The following RFX6 variants were observed in gnomAD, a reference collection of about 807,000 sequenced individuals.
The protein encoded by RFX6 is DNA-binding protein RFX6.
In RFX6, 50 loss-of-function variants were observed where a neutral mutation model predicts 110.8. That is an observed-to-expected ratio of 0.45 (90% CI 0.36 to 0.57). The LOEUF (loss-of-function observed/expected upper bound fraction) is 0.57, where lower values mean the gene tolerates loss of function less well. Ranked by LOEUF, RFX6 falls within the 20% of genes least tolerant of loss-of-function variation. The pLI is 0.00. For synonymous variants in RFX6, 383 were observed against 411.2 expected, an observed-to-expected ratio of 0.93 and a Z score of 0.83; for missense variants, 990 against 1,127.0, an observed-to-expected ratio of 0.88 and a Z score of 1.74.
chr6:116,928,251 A>T (rs767122790), intron 17 of RFX6, among the ~76,000 whole-genome samples: 1 of 152,196 alleles, frequency 6.6e-6, no homozygotes, highest in African/African-American at 2.4e-5. Flanking sequence ...TAGGAAGTTA[A>T]GGGAATTAGA....
intron 4 of RFX6, among the ~76,000 whole-genome samples, chr6:116,892,925 G>A (rs1453669344): frequency 6.6e-6 from 1 of 152,018 alleles, no homozygotes; most frequent in Non-Finnish European, 1.5e-5. Flanking sequence ...ATGGATGAAC[G>A]GAAGATTCAT....
chr6:116,901,341 CTATT>C (rs1365610777), intron 6 of RFX6, among the ~76,000 whole-genome samples: 4 of 133,982 alleles, frequency 3.0e-5, no homozygotes, highest in African/African-American at 1.1e-4. Context: ...CCACATGTGA[CTATT>C]AATTAAGTAA....
intron 6 of RFX6, among the ~76,000 whole-genome samples, chr6:116,908,552 G>A (rs1160035342): frequency 6.6e-6 from 1 of 151,964 alleles, no homozygotes; most frequent in African/African-American, 2.4e-5. Context: ...GGTGAGAGCA[G>A]GCAAATTTAC....
At chr6:116,911,579 A>G (rs1048483062) in intron 7 of RFX6, among the ~76,000 whole-genome samples, 13 of 152,194 alleles carry the variant, frequency 8.5e-5, no homozygotes, top group Non-Finnish European at 1.6e-4. Context: ...CAGTTTATAA[A>G]TAATTCTCAA....
At chr6:116,903,389 G>A (rs536160424) in intron 6 of RFX6, among the ~76,000 whole-genome samples, 2 of 152,030 alleles carry the variant, frequency 1.3e-5, no homozygotes, top group South Asian at 4.2e-4. Flanking sequence ...CTTAATATGT[G>A]TTTCTTTAGC....
In RFX6 at chr6:116,931,358, C is replaced by T. The variant is rs1775879970; in HGVS notation, c.2639C>T (p.Ser880Phe). Residue 880 changes from serine to phenylalanine, a missense_variant, in exon 19 of 19, where the codon TCT becomes TTT. Coordinates refer to ENST00000332958, the MANE Select transcript of RFX6 (RefSeq NM_173560.4). ...LASSLQTPIP[S>F]SSSQCMYGTS... ...TCCAGTTTGCAAACCCCAATTCCTT[C>T]TTCCTCATCCCAATGTATGTATGGA... The T allele has an allele frequency of 1.2e-6, 2 of 1,613,174 alleles. No homozygotes were observed. Among genetic ancestry groups the T allele is most frequent in the Admixed American group, 1.7e-5 (1 of 59,994 alleles).
intron 6 of RFX6, among the ~76,000 whole-genome samples, chr6:116,899,175 A>G (rs1775014712): frequency 6.6e-6 from 1 of 152,212 alleles, no homozygotes; most frequent in African/African-American, 2.4e-5. Flanking sequence ...CTATTTGGAA[A>G]AAAAAAATAC....
At chr6:116,893,713 G>C (rs1250642180) in intron 4 of RFX6, among the ~76,000 whole-genome samples, 2 of 152,128 alleles carry the variant, frequency 1.3e-5, no homozygotes, top group Non-Finnish European at 2.9e-5. Context: ...ATTGGGATTT[G>C]GAACCTAATG....
At chr6:116,897,817 T>C (rs1452526389) in intron 6 of RFX6, among the ~76,000 whole-genome samples, 1 of 152,162 alleles carries the variant, frequency 6.6e-6, no homozygotes, top group African/African-American at 2.4e-5. Flanking sequence ...GGGTTTAATT[T>C]GGGACTTGTC....
intron 18 of RFX6, among the ~76,000 whole-genome samples, chr6:116,930,056 G>A (rs1157552656): frequency 6.6e-6 from 1 of 152,174 alleles, no homozygotes; most frequent in Non-Finnish European, 1.5e-5. Flanking sequence ...AAAATGTACT[G>A]TGTTGCTATT....
At chr6:116,930,207 G>A (rs1224140171) in intron 18 of RFX6, among the ~76,000 whole-genome samples, 1 of 152,156 alleles carries the variant, frequency 6.6e-6, no homozygotes, top group Non-Finnish European at 1.5e-5. Context: ...GTAAAATGAG[G>A]GGATAGAATA....
At position 116,931,713 on chromosome 6, in the gene RFX6, G is replaced by A; in HGVS notation, c.*207G>A. 2 of 487,932 alleles carry A rather than the reference G, an allele frequency of 4.1e-6. No individual in the cohort carries two copies. Among genetic ancestry groups the A allele is most frequent in the Non-Finnish European group, 7.2e-6 (2 of 276,462 alleles). 30.2% of individuals were successfully genotyped at this position (487,932 alleles called of 1,614,324 possible). A position where few individuals can be genotyped will look rare whatever the true frequency, so the allele number is the denominator to read the frequency against. On this transcript the variant is annotated 3_prime_UTR_variant, in exon 19 of 19. Transcript: ENST00000332958. ...TGCACACTAAGAGTTTAAAATGTGA[G>A]CTCATTATTAATCATAGTTTCAAAA...
chr6:116,889,797 T>C (rs575381741), intron 4 of RFX6, among the ~76,000 whole-genome samples: 1 of 152,282 alleles, frequency 6.6e-6, no homozygotes, highest in South Asian at 2.1e-4. Flanking sequence ...TTTAAGTATA[T>C]GATATTATAT....
intron 6 of RFX6, among the ~76,000 whole-genome samples, chr6:116,909,618 ATAGT>A (rs1448153862): frequency 7.7e-6 from 1 of 129,372 alleles, no homozygotes; most frequent in Non-Finnish European, 1.8e-5. Flanking sequence ...TTATTAAATA[ATAGT>A]TATTAATTAA....
rs766222415 is a variant in RFX6, at chr6:116,877,258, T to C, written c.-18T>C. The C allele has an allele frequency of 1.3e-6, 2 of 1,587,878 alleles. No individual in the cohort carries two copies. The highest frequency in any genetic ancestry group is 1.1e-5 in the South Asian group (1 of 88,566). On this transcript the variant is annotated 5_prime_UTR_variant, in exon 1 of 19. Transcript: ENST00000332958. ...ACCGGCCGAGCGGCGCGCGCGGAGG[T>C]GTCCGGCGGCCAGGAGGATGGCCAA... is the stretch of plus-strand genomic sequence containing the variant.
chr6:116,917,937 T>A (rs1775503804), intron 9 of RFX6, 100 bp from the exon 10 acceptor site: 2 of 804,292 alleles, frequency 2.5e-6, no homozygotes, highest in Admixed American at 3.8e-5. Flanking sequence ...AACATGTTAT[T>A]CTCTAGGAAG....
intron 15 of RFX6, 93 bp from the exon 16 acceptor site, chr6:116,925,360 C>A: frequency 9.3e-7 from 1 of 1,075,566 alleles, no homozygotes; most frequent in Non-Finnish European, 1.5e-6. Context: ...AAATACTCAA[C>A]AATGAAACAT....
At chr6:116,912,485 A>G (rs1214136236) in intron 7 of RFX6, among the ~76,000 whole-genome samples, 3 of 152,092 alleles carry the variant, frequency 2.0e-5, no homozygotes, top group Admixed American at 6.6e-5. Flanking sequence ...TTATCACATA[A>G]TTTTTACCTT....
intron 4 of RFX6, among the ~76,000 whole-genome samples, chr6:116,893,194 G>C (rs1225421663): frequency 6.6e-6 from 1 of 152,118 alleles, no homozygotes; most frequent in East Asian, 1.9e-4. Flanking sequence ...ACCACAGAAA[G>C]CAGATGCTAG....
Sources: allele counts gnomAD v4.1 joint callset (sites outside exome capture counted in the v4.1 genomes callset), GRCh38; gene constraint gnomAD v4.1.1; transcripts MANE v1.5; gene names NCBI Gene and HGNC (gene_info 2026-07-23, HGNC 2026-07-21).